Variants in APLP2 observed in about 807,000 individuals in gnomAD.
The protein encoded by APLP2 is CDEI box-binding protein.
A neutral mutation model predicts 89.9 loss-of-function variants in APLP2; 53 were observed. That is an observed-to-expected ratio of 0.59 (90% CI 0.47 to 0.74). APLP2 has a LOEUF of 0.74. Among genes scored for constraint, APLP2 ranks in the 30% least tolerant of loss-of-function variants. The pLI, the probability that APLP2 is intolerant of heterozygous loss-of-function variation, is 0.00. For synonymous variants in APLP2, 372 were observed against 348.6 expected, an observed-to-expected ratio of 1.07 and a Z score of -0.75; for missense variants, 973 against 975.9, an observed-to-expected ratio of 1.00 and a Z score of 0.04.
intron 1 of APLP2, chr11:130,108,942 C>G (rs1026982066): frequency 6.6e-6 from 1 of 152,268 alleles, no homozygotes; most frequent in Admixed American, 6.5e-5. Flanking sequence ...AGCAAACTAT[C>G]GCAAGGACAG....
chr11:130,081,151 C>T (rs1002878263), intron 1 of APLP2, among the ~76,000 whole-genome samples: 1 of 151,762 alleles, frequency 6.6e-6, no homozygotes, highest in African/African-American at 2.4e-5. Context: ...TGTGTATAAC[C>T]CGTTTTTTCC....
intron 1 of APLP2, among the ~76,000 whole-genome samples, chr11:130,105,701 C>CTTTTTT (rs765278847): frequency 3.4e-5 from 4 of 118,178 alleles, no homozygotes; most frequent in East Asian, 2.7e-4. Context: ...TTTCTGTCTG[C>CTTTTTT]TTTTTTTTTT....
At chr11:130,074,621 T>G (rs559551545) in intron 1 of APLP2, among the ~76,000 whole-genome samples, 1 of 152,204 alleles carries the variant, frequency 6.6e-6, no homozygotes, top group Non-Finnish European at 1.5e-5. Context: ...ATATTCATTG[T>G]AAGAAATTTA....
chr11:130,140,091 G>A (rs746413741), intron 13 of APLP2, among the ~76,000 whole-genome samples: 2 of 152,106 alleles, frequency 1.3e-5, no homozygotes, highest in Admixed American at 1.3e-4. Flanking sequence ...ATGCCCCTCG[G>A]CTCCGCTTCT....
At chr11:130,132,990 T>C (rs1202483707) in intron 11 of APLP2, among the ~76,000 whole-genome samples, 1 of 151,970 alleles carries the variant, frequency 6.6e-6, no homozygotes, top group East Asian at 1.9e-4. Flanking sequence ...TTTTTTTTTT[T>C]TTTGGCTCAA....
intron 1 of APLP2, among the ~76,000 whole-genome samples, chr11:130,089,756 C>T (rs778845989): frequency 2.6e-4 from 39 of 152,352 alleles, no homozygotes; most frequent in South Asian, 6.2e-4. Context: ...TAACAAAGGG[C>T]CTGTTCCAGG....
Position 130,143,703 on chromosome 11 carries a change from G to T in APLP2, c.*255G>T. The T allele has an allele frequency of 2.7e-6, 1 of 369,490 alleles. No homozygotes were observed. Among genetic ancestry groups the T allele is most frequent in the Admixed American group, 4.2e-5 (1 of 23,998 alleles). The allele number at this position is 369,490 out of a possible 1,614,324, so 22.9% of individuals were successfully genotyped here. Reference sequence around the variant, plus strand: ...AAATGATCTATTGCAGATATTTGATGTAGTTTTCTTTTTTAAATTAATCAG... The same window carrying T: ...AAATGATCTATTGCAGATATTTGATTTAGTTTTCTTTTTTAAATTAATCAG... On this transcript the variant is annotated 3_prime_UTR_variant, in exon 17 of 17. Coordinates refer to ENST00000338167, the MANE Select transcript of APLP2 (RefSeq NM_001142276.2).
chr11:130,087,503 G>C (rs183310914), intron 1 of APLP2, among the ~76,000 whole-genome samples: 2 of 152,292 alleles, frequency 1.3e-5, no homozygotes, highest in Admixed American at 1.3e-4. Context: ...CTGAGTATGG[G>C]TCTCCATTTT....
rs1952471416 is a variant in APLP2, at chr11:130,142,018, A to G, written c.2098A>G (p.Ser700Gly). Reference protein sequence around the residue: ...AVAIATVIVISLVMLRKRQYG... With the variant: ...AVAIATVIVIGLVMLRKRQYG... ...GGCCATTGCCACGGTCATCGTCATC[A>G]GCCTGGTGATGCTGAGGAAGAGGCA... Residue 700 changes from serine to glycine, a missense_variant, in exon 16 of 17, where the codon AGC (serine) becomes GGC (glycine). Coordinates refer to ENST00000338167, the MANE Select transcript of APLP2 (RefSeq NM_001142276.2). 2 of 1,613,982 alleles carry G rather than the reference A, an allele frequency of 1.2e-6. No homozygotes were observed. The highest frequency in any genetic ancestry group is 1.7e-6 in the Non-Finnish European group (2 of 1,180,016).
At chr11:130,140,708 A>C (rs1952258300) in intron 14 of APLP2, 1 of 352,562 alleles carries the variant, frequency 2.8e-6, no homozygotes, top group African/African-American at 2.1e-5. Flanking sequence ...CTTGCTATAG[A>C]GTAGGAAAAT....
intron 1 of APLP2, among the ~76,000 whole-genome samples, chr11:130,089,699 A>T (rs575620754): frequency 6.9e-4 from 105 of 152,352 alleles, no homozygotes; most frequent in African/African-American, 1.7e-3. Context: ...GGAGGCTAGA[A>T]GTCCCAGTTC....
chr11:130,120,849 TG>T, intron 4 of APLP2, 31 bp downstream of exon 4: 1 of 1,484,140 alleles, frequency 6.7e-7, no homozygotes, highest in South Asian at 1.1e-5. Context: ...AGTCAGCTGC[TG>T]TTGTATCTGT....
At chr11:130,091,899 G>A (rs1945332462) in intron 1 of APLP2, among the ~76,000 whole-genome samples, 2 of 131,150 alleles carry the variant, frequency 1.5e-5, no homozygotes, top group Admixed American at 1.4e-4. Context: ...GTGGCTGCCG[G>A]GCGGAGAGGC....
At chr11:130,113,101 C>T (rs1290334112) in intron 3 of APLP2, among the ~76,000 whole-genome samples, 2 of 152,312 alleles carry the variant, frequency 1.3e-5, no homozygotes, top group African/African-American at 4.8e-5. Context: ...CATGATTGTT[C>T]ATAGACCTTT....
In APLP2 at chr11:130,108,342, ATAACT is replaced by A. The variant is rs965405028; in HGVS notation, c.106-1083_106-1079del. Among the ~76,000 whole-genome samples the A allele has an allele frequency of 1.8e-3, 269 of 152,310 alleles. 3 individuals carry two copies. Among genetic ancestry groups the A allele is most frequent in the African/African-American group, 6.3e-3 (260 of 41,548 alleles). ...AAGGGCTAATATCCAGAATCTACAA[ATAACT>A]TAAACAAATTTACAAGAAAAAATCA... On this transcript the variant is annotated intron_variant, in intron 1 of 16. Transcript: ENST00000338167.
chr11:130,122,200 T>G (rs982916577), intron 5 of APLP2, 105 bp from the exon 6 acceptor site: 14 of 1,354,508 alleles, frequency 1.0e-5, no homozygotes, highest in Non-Finnish European at 1.3e-5. Flanking sequence ...GCGTTGAGCT[T>G]ATTTCCTGCC....
intron 12 of APLP2, among the ~76,000 whole-genome samples, chr11:130,133,939 A>C (rs1391592455): frequency 6.6e-6 from 1 of 152,220 alleles, no homozygotes; most frequent in African/African-American, 2.4e-5. Context: ...TGAGCCATGG[A>C]GCCTCGGGCT....
chr11:130,110,490 G>A (rs201798583), intron 2 of APLP2, 48 bp from the exon 3 acceptor site: 347 of 1,604,036 alleles, frequency 2.2e-4, no homozygotes, highest in Middle Eastern at 8.3e-4. Context: ...GCAAGTGTGT[G>A]TCTGTCTGCA....
intron 1 of APLP2, among the ~76,000 whole-genome samples, chr11:130,091,687 C>T (rs1945258304): frequency 7.8e-6 from 1 of 128,668 alleles, no homozygotes; most frequent in Admixed American, 7.2e-5. Flanking sequence ...GCGCCCCTCA[C>T]CTCCCGGACG....
Sources: allele counts gnomAD v4.1 joint callset (sites outside exome capture counted in the v4.1 genomes callset), GRCh38; gene constraint gnomAD v4.1.1; transcripts MANE v1.5; gene names NCBI Gene and HGNC (gene_info 2026-07-23, HGNC 2026-07-21).